Variants in ALK observed in about 807,000 individuals in gnomAD.
ALK encodes ALK tyrosine kinase receptor.
A neutral mutation model predicts 163.1 loss-of-function variants in ALK; 74 were observed. The observed-to-expected ratio is 0.45, with a 90% CI of 0.38 to 0.55. The LOEUF is 0.55. Among genes scored for constraint, ALK ranks in the 20% least tolerant of loss-of-function variants. The pLI, the probability that ALK is intolerant of heterozygous loss-of-function variation, is 0.00. For missense variants in ALK, 2,063 were observed against 2,105.3 expected (o/e 0.98, Z 0.39); for synonymous variants, 960 against 843.2 (o/e 1.14, Z -2.40).
chr2:29,604,224 T>C (rs1240778229), intron 3 of ALK, among the ~76,000 whole-genome samples: 2 of 152,100 alleles, frequency 1.3e-5, no homozygotes, highest in Admixed American at 6.5e-5. Flanking sequence ...GAGAATATTT[T>C]ATGACGTGAG....
At chr2:29,686,139 G>T (rs1020048454) in intron 3 of ALK, among the ~76,000 whole-genome samples, 1 of 152,178 alleles carries the variant, frequency 6.6e-6, no homozygotes, top group South Asian at 2.1e-4. Flanking sequence ...GGGGCATCTT[G>T]TTGGGGGCTG....
In ALK at chr2:29,227,663, G is replaced by A. The variant is rs2148179408; in HGVS notation, c.2825C>T (p.Ala942Val). ...CATTTCGGGGTCATTGTTTGAGGCT[G>A]CATTGCCGCCTGAGTAGCAAACCAG... ...GGGGGYIGGN[A>V]ASNNDPEMDG... Residue 942 changes from alanine (A) to valine (V), a missense_variant, in exon 17 of 29, where the codon GCA becomes GTA. Physicochemically the swap from Ala to Val is moderately conservative, Grantham distance 64. Transcript: ENST00000389048. This position sits in a 1 kb window ranked among gnomAD's most constrained non-coding sequence, Gnocchi z 4.4. 1 of 1,613,820 alleles carries A rather than the reference G, an allele frequency of 6.2e-7. No homozygotes were observed. The highest frequency in any genetic ancestry group is 8.5e-7 in the Non-Finnish European group (1 of 1,179,964).
At chr2:29,238,288 C>G (rs1398797852) in intron 13 of ALK, among the ~76,000 whole-genome samples, 3 of 152,136 alleles carry the variant, frequency 2.0e-5, no homozygotes, top group Non-Finnish European at 2.9e-5. Context: ...CCTCTGCCTC[C>G]TGGGTTCAAG....
chr2:29,750,712 G>GC lies in ALK; in HGVS notation c.668-33016_668-33015insG, dbSNP rs59750892. ...GGAAGGAAGGAAGGCAGGCAGGCAG[G>GC]AAGGAAGGAAGGAAGGAAGAAAGGG... On this transcript the variant is annotated intron_variant, in intron 1 of 28. Coordinates refer to ENST00000389048, the MANE Select transcript of ALK (RefSeq NM_004304.5). Among the ~76,000 whole-genome samples, 208 of 142,206 alleles carry GC rather than the reference G, an allele frequency of 1.5e-3. 1 individual carries two copies. Among genetic ancestry groups the GC allele is most frequent in the Middle Eastern group, 3.7e-3 (1 of 272 alleles). 93.3% of individuals were successfully genotyped at this position (142,206 alleles called of 152,430 possible).
chr2:29,676,491 G>A (rs1573547283), intron 3 of ALK, among the ~76,000 whole-genome samples: 1 of 151,876 alleles, frequency 6.6e-6, no homozygotes, highest in Non-Finnish European at 1.5e-5. Flanking sequence ...TGTATTTATG[G>A]ACTCTCATTT....
At chr2:29,657,184 G>A (rs922838488) in intron 3 of ALK, among the ~76,000 whole-genome samples, 7 of 152,268 alleles carry the variant, frequency 4.6e-5, no homozygotes, top group African/African-American at 1.7e-4. Flanking sequence ...CAAGGCTAAG[G>A]TGGACAAGAG....
chr2:29,345,058 G>A, intron 5 of ALK, among the ~76,000 whole-genome samples: 1 of 152,112 alleles, frequency 6.6e-6, no homozygotes, highest in East Asian at 1.9e-4. Flanking sequence ...AACTGAAATA[G>A]CTTTTGCACA....
At chr2:29,477,953 C>A (rs781499327) in intron 4 of ALK, among the ~76,000 whole-genome samples, 1 of 152,168 alleles carries the variant, frequency 6.6e-6, no homozygotes, top group Non-Finnish European at 1.5e-5. Flanking sequence ...GCAGATAACA[C>A]GTTGATTTTA....
intron 19 of ALK, chr2:29,224,483 C>G (rs553902318): frequency 4.4e-6 from 1 of 228,848 alleles, no homozygotes; most frequent in Admixed American, 5.7e-5. Flanking sequence ...ATGTGAGTGA[C>G]CATTATCACT....
At chr2:29,899,739 T>G (rs750187243) in intron 1 of ALK, 1 of 151,640 alleles carries the variant, frequency 6.6e-6, no homozygotes. Flanking sequence ...GGCAGAAGAA[T>G]TGCTTGAACC....
chr2:29,432,043 G>C (rs1234957600), intron 4 of ALK, among the ~76,000 whole-genome samples: 2 of 152,024 alleles, frequency 1.3e-5, no homozygotes, highest in East Asian at 3.9e-4. Context: ...AAACTTTGAG[G>C]AGAATGCCCC....
chr2:29,196,637 AAATT>A (rs1331354943), intron 28 of ALK, 129 bp downstream of exon 28: 1 of 763,686 alleles, frequency 1.3e-6, no homozygotes, highest in East Asian at 2.5e-5. Context: ...ATTTTAGAGA[AAATT>A]AATTTTCACT....
intron 4 of ALK, among the ~76,000 whole-genome samples, chr2:29,483,485 G>T (rs1267847637): frequency 6.6e-6 from 1 of 152,212 alleles, no homozygotes; most frequent in Non-Finnish European, 1.5e-5. Context: ...TCTAGCTTCA[G>T]CTTAGAGAAT....
chr2:29,529,947 C>T lies in ALK; in HGVS notation c.1154+1968G>A, dbSNP rs1269553209. ...AGGATAAGTTGGGTGGCCAGGTGGA[C>T]GTTGAGGCAGGTGACCATGGCATCA... On this transcript the variant is annotated intron_variant, in intron 4 of 28. Transcript: ENST00000389048. 2.6e-5 allele frequency among the ~76,000 whole-genome samples: 4 copies of T among 152,094 alleles called. No homozygotes were observed. The South Asian group carries it at 6.2e-4, about 24-fold the overall frequency.
chr2:29,221,767 C>G (rs1669810478), intron 22 of ALK, among the ~76,000 whole-genome samples: 2 of 152,166 alleles, frequency 1.3e-5, no homozygotes. Context: ...GACAGGGGGC[C>G]ATGAGCCCCC....
intron 3 of ALK, among the ~76,000 whole-genome samples, chr2:29,654,967 T>A (rs1677143873): frequency 6.6e-6 from 1 of 152,182 alleles, no homozygotes; most frequent in South Asian, 2.1e-4. Context: ...CTGTCATTGT[T>A]CGCTTACTGT....
At chr2:29,867,523 G>C (rs1666465767) in intron 1 of ALK, among the ~76,000 whole-genome samples, 1 of 152,280 alleles carries the variant, frequency 6.6e-6, no homozygotes, top group Middle Eastern at 3.4e-3. Context: ...GTTGCAACAA[G>C]ACCGTTTTGT....
chr2:29,327,905 A>G (rs993925553), intron 6 of ALK, among the ~76,000 whole-genome samples: 2 of 152,132 alleles, frequency 1.3e-5, no homozygotes. Flanking sequence ...AGGGGAGACC[A>G]TGTGAGCAAA....
chr2:29,862,032 GATTAT>G (rs1229961776), intron 1 of ALK, among the ~76,000 whole-genome samples: 2 of 151,974 alleles, frequency 1.3e-5, no homozygotes, highest in African/African-American at 2.4e-5. Flanking sequence ...AAAATCATAC[GATTAT>G]ATCAATAAAT....
Sources: gnomAD v4.1 joint callset for allele counts (sites outside exome capture counted in the v4.1 genomes callset) on GRCh38, gnomAD v4.1.1 for gene constraint, Gnocchi (gnomAD v3.1) non-coding constraint, MANE v1.5 for transcripts, NCBI Gene and HGNC (gene_info 2026-07-23, HGNC 2026-07-21) for gene names.